The following PIGZ variants were observed in gnomAD, a reference collection of about 807,000 sequenced individuals.
PIGZ encodes phosphatidylinositol glycan anchor biosynthesis class Z (Gwada blood group).
In PIGZ, 16 loss-of-function variants were observed where a neutral mutation model predicts 16.4. The ratio of observed to expected loss-of-function variants is 0.97; its 90% CI spans 0.66 to 1.48. PIGZ has a LOEUF of 1.48. Ranked by LOEUF, PIGZ falls within the 40% of genes most tolerant of loss-of-function variation. The pLI is 0.00. For synonymous variants in PIGZ, 409 were observed against 338.4 expected, an observed-to-expected ratio of 1.21 and a Z score of -2.29; for missense variants, 770 against 739.2, an observed-to-expected ratio of 1.04 and a Z score of -0.48.
Position 196,946,536 on chromosome 3 carries a change from G to A in PIGZ, c.*621C>T, listed in dbSNP as rs1173446812. The A allele has an allele frequency of 3.3e-5, 5 of 152,310 alleles. No homozygotes were observed. The highest frequency in any genetic ancestry group is 9.7e-5 in the African/African-American group (4 of 41,438). 9.4% of individuals were successfully genotyped at this position (152,310 alleles called of 1,614,324 possible). ...CTGTGGACTCCAGGAATGACACAAT[G>A]TTAGCCGGCAGACACCTCAAAGTTC... On this transcript the variant is annotated 3_prime_UTR_variant, in exon 3 of 3. Coordinates refer to ENST00000412723, the MANE Select transcript of PIGZ (RefSeq NM_025163.4).
rs542779662 is a variant in PIGZ, at chr3:196,959,688, C to T, written c.1-7657G>A. 2.0e-5 allele frequency among the ~76,000 whole-genome samples: 3 copies of T among 152,338 alleles called. No individual in the cohort carries two copies. The South Asian group carries it at 6.2e-4, about 32-fold the overall frequency. On this transcript the variant is annotated intron_variant, in intron 1 of 2. Transcript: ENST00000412723. ...AAACCATCTGCATTCACTGAATTCA[C>T]TCCTCGCTTTTTAATTTCAATTTTT...
In PIGZ at chr3:196,947,436, C is replaced by CT; in HGVS notation, c.1460_1461insA (p.Met487IlefsTer5). Reference sequence around the variant, plus strand: ...ACAGGGCCCAGTCCTCAGTCCCCCCCATGTCCACCACCTCCACTGGTGCCC... The same window carrying CT: ...ACAGGGCCCAGTCCTCAGTCCCCCCCTATGTCCACCACCTCCACTGGTGCCC... On this transcript the variant is annotated frameshift_variant, in exon 3 of 3. Coordinates refer to ENST00000412723, the MANE Select transcript of PIGZ (RefSeq NM_025163.4). LOFTEE classifies it high-confidence loss of function. The CT allele has an allele frequency of 1.2e-6, 2 of 1,613,734 alleles. No homozygotes were observed. Among genetic ancestry groups the CT allele is most frequent in the Non-Finnish European group, 1.7e-6 (2 of 1,180,016 alleles).
intron 2 of PIGZ, among the ~76,000 whole-genome samples, chr3:196,950,632 C>T (rs376880769): frequency 3.9e-5 from 6 of 152,118 alleles, no homozygotes; most frequent in African/African-American, 7.2e-5. Flanking sequence ...TAAAAAACGA[C>T]GTGAGGGAAA....
Position 196,947,636 on chromosome 3 carries a change from C to G in PIGZ, c.1261G>C (p.Ala421Pro). The G allele has an allele frequency of 1.2e-6, 2 of 1,612,174 alleles. No individual in the cohort carries two copies. Among genetic ancestry groups the G allele is most frequent in the Admixed American group, 1.7e-5 (1 of 59,870 alleles). The change falls in exon 3 of 3, where the codon GCC becomes CCC. Residue 421 changes from alanine (A) to proline (P), a missense_variant. Ala to Pro is a conservative substitution (Grantham distance 27). Coordinates refer to ENST00000412723, the MANE Select transcript of PIGZ (RefSeq NM_025163.4). ...CAGCCGAAGAGGAGGGCACCGAGGG[C>G]GTTGAAGAGGACCACAGTGCCCTTC... is the stretch of plus-strand genomic sequence containing the variant. ...PWKGTVVLFN[A>P]LGALLFGCLH...
At chr3:196,957,458 C>T (rs1717538054) in intron 1 of PIGZ, among the ~76,000 whole-genome samples, 1 of 151,630 alleles carries the variant, frequency 6.6e-6, no homozygotes, top group Non-Finnish European at 1.5e-5. Flanking sequence ...TCTCGGCTCA[C>T]TGCAGCCTCT....
intron 1 of PIGZ, among the ~76,000 whole-genome samples, chr3:196,953,288 A>G (rs1244417739): frequency 6.6e-6 from 1 of 152,232 alleles, no homozygotes; most frequent in Non-Finnish European, 1.5e-5. Flanking sequence ...CCTGATCACC[A>G]GCTCCTATCC....
Position 196,947,212 on chromosome 3 carries a change from C to G in PIGZ, c.1685G>C (p.Gly562Ala). 1 of 1,598,314 alleles carries G rather than the reference C, an allele frequency of 6.3e-7. No homozygotes were observed. Residue 562 changes from glycine to alanine, a missense_variant, in exon 3 of 3, where the codon GGG (glycine) becomes GCG (alanine). Coordinates refer to ENST00000412723, the MANE Select transcript of PIGZ (RefSeq NM_025163.4). ...AAGACTGAGGTGGTCCCTCCAAGCCCCACTCAGCAAGGAGGACAGGGCTGG... is the reference window on the plus strand; with the variant it reads ...AAGACTGAGGTGGTCCCTCCAAGCCGCACTCAGCAAGGAGGACAGGGCTGG... ...DPPALSSLLS[G>A]AWRDHLSLHI...
intron 2 of PIGZ, 55 bp downstream of exon 2, chr3:196,951,766 G>C: frequency 6.4e-7 from 1 of 1,570,626 alleles, no homozygotes; most frequent in Non-Finnish European, 8.7e-7. Flanking sequence ...TCTCCCGTCA[G>C]CTTCTCAAGC....
chr3:196,947,077 C>A lies in PIGZ; in HGVS notation c.*80G>T, dbSNP rs148220233. 1.3e-4 allele frequency: 178 copies of A among 1,349,640 alleles called. No individual in the cohort carries two copies. The East Asian group carries it at 4.1e-3, about 31-fold the overall frequency. The allele number at this position is 1,349,640 out of a possible 1,614,324, so 83.6% of individuals were successfully genotyped here. On this transcript the variant is annotated 3_prime_UTR_variant, in exon 3 of 3. Coordinates refer to ENST00000412723, the MANE Select transcript of PIGZ (RefSeq NM_025163.4). ...GGAGGACGGGGTCCTGTCCCAGCGT[C>A]CCAGCCCAGCTACCCAAGTAGAAGG...
intron 1 of PIGZ, among the ~76,000 whole-genome samples, chr3:196,955,983 GT>G (rs1376444467): frequency 6.6e-6 from 1 of 150,966 alleles, no homozygotes; most frequent in African/African-American, 2.4e-5. Flanking sequence ...TTTTGAATTA[GT>G]TTTTTTTCTC....
In PIGZ at chr3:196,946,968, T is replaced by A. The variant is rs1360573049; in HGVS notation, c.*189A>T. 9.4e-6 allele frequency: 5 copies of A among 532,064 alleles called. No homozygotes were observed. The highest frequency in any genetic ancestry group is 1.6e-5 in the Non-Finnish European group (5 of 307,148). The allele number at this position is 532,064 out of a possible 1,614,324, so 33.0% of individuals were successfully genotyped here. A position where few individuals can be genotyped will look rare whatever the true frequency, so the allele number is the denominator to read the frequency against. On this transcript the variant is annotated 3_prime_UTR_variant, in exon 3 of 3. Coordinates refer to ENST00000412723, the MANE Select transcript of PIGZ (RefSeq NM_025163.4). The stretch of plus-strand genomic sequence containing the variant: ...CAAGACCGACAGGTCAAATCTTTGG[T>A]CTCAGGGAGAAGAGTGCCAGCTCAC...
chr3:196,964,136 C>A (rs1717831291), intron 1 of PIGZ, among the ~76,000 whole-genome samples: 2 of 151,906 alleles, frequency 1.3e-5, no homozygotes, highest in Admixed American at 6.6e-5. Flanking sequence ...CTGCAAGCTC[C>A]ACCTCCCGGG....
At chr3:196,957,672 G>A (rs1209039485) in intron 1 of PIGZ, among the ~76,000 whole-genome samples, 1 of 152,174 alleles carries the variant, frequency 6.6e-6, no homozygotes, top group Non-Finnish European at 1.5e-5. Context: ...GAGCCACTGT[G>A]CCCGGCCAAA....
rs550900540 is a variant in PIGZ, at chr3:196,960,733, G to A, written c.-1+7954C>T. Among the ~76,000 whole-genome samples, 180 of 94,032 alleles carry A rather than the reference G, an allele frequency of 1.9e-3. 3 individuals are homozygous for A. Among genetic ancestry groups the A allele is most frequent in the South Asian group, 6.2e-4 (2 of 3,222 alleles). 61.7% of individuals were successfully genotyped at this position (94,032 alleles called of 152,430 possible). ...GAAGGAAGGAAAGAAAGAAAAGAAA[G>A]AAAGAGAAAGAAAGAAAGAAAGAAA... On this transcript the variant is annotated intron_variant, in intron 1 of 2. Transcript: ENST00000412723.
At chr3:196,951,547 C>A in intron 2 of PIGZ, 1 of 508,788 alleles carries the variant, frequency 2.0e-6, no homozygotes, top group Non-Finnish European at 3.6e-6. Flanking sequence ...ACACAGCTCT[C>A]ATTCTGAATG....
rs899532528 is a variant in PIGZ at position 196,947,700 on chromosome 3, CA to C, written c.1196del (p.Leu399ArgfsTer101). ...ARFLIPLLVP[L>X]VLLCSPQTQP... ...GCGTCTGTGGACTACAAAGCAGGAC[CA>C]GGGGGACCAGGAGGGGAATCAGGAA... On this transcript the variant is annotated frameshift_variant, in exon 3 of 3. Transcript: ENST00000412723. LOFTEE classifies it high-confidence loss of function. The C allele has an allele frequency of 3.7e-6, 6 of 1,613,184 alleles. No homozygotes were observed. Among genetic ancestry groups the C allele is most frequent in the African/African-American group, 1.3e-5 (1 of 75,044 alleles).
Position 196,948,935 on chromosome 3 carries a change from T to TTCTCTTCCCCTCCCC in PIGZ, c.212-251_212-250insGGGGAGGGGAAGAGA, listed in dbSNP as rs1717109763. Among the ~76,000 whole-genome samples the TTCTCTTCCCCTCCCC allele has an allele frequency of 4.2e-4, 4 of 9,500 alleles. 1 individual carries two copies. Among genetic ancestry groups the TTCTCTTCCCCTCCCC allele is most frequent in the African/African-American group, 4.0e-3 (4 of 992 alleles). The allele number at this position is 9,500 out of a possible 152,430, so 6.2% of individuals were successfully genotyped here. ...CCTCCCTTCCCTTCCTTCCCTTTAC[T>TTCTCTTCCCCTCCCC]TCCCTTCCTTCCCCTCCCCTCCCTT... On this transcript the variant is annotated intron_variant, in intron 2 of 2. Coordinates refer to ENST00000412723, the MANE Select transcript of PIGZ (RefSeq NM_025163.4).
chr3:196,962,653 TCTTTACTGCACGGCAATA>T (rs1245250458), intron 1 of PIGZ, among the ~76,000 whole-genome samples: 1 of 117,478 alleles, frequency 8.5e-6, no homozygotes, highest in African/African-American at 3.7e-5. Context: ...GCAATACTGA[TCTTTACTGCACGGCAATA>T]CTGATCTTTA....
chr3:196,957,059 G>A (rs776388145), intron 1 of PIGZ, among the ~76,000 whole-genome samples: 1 of 152,084 alleles, frequency 6.6e-6, no homozygotes, highest in Admixed American at 6.6e-5. Context: ...TGAGGTCAGG[G>A]ATGAGGCAAA....
Sources: gnomAD v4.1 joint callset for allele counts (sites outside exome capture counted in the v4.1 genomes callset) on GRCh38, gnomAD v4.1.1 for gene constraint, MANE v1.5 for transcripts, NCBI Gene and HGNC (gene_info 2026-07-23, HGNC 2026-07-21) for gene names.